The following RYR2 variants were observed in gnomAD, a reference collection of about 807,000 sequenced individuals.
RYR2 encodes cardiac muscle ryanodine receptor-calcium release channel.
Under a neutral mutation model 601.1 loss-of-function variants are expected in RYR2, and 227 were observed. That is an observed-to-expected ratio of 0.38 (90% CI 0.34 to 0.42). The LOEUF (loss-of-function observed/expected upper bound fraction) is 0.42, where lower values mean the gene tolerates loss of function less well. RYR2 is among the 10% of genes least tolerant of loss of function. The pLI is 1.00. For synonymous variants in RYR2, 2,223 were observed against 2,175.1 expected (o/e 1.02, Z -0.61); for missense variants, 4,646 against 6,156.5 (o/e 0.75, Z 8.21).
At chr1:237,204,138 G>A (rs1681512967) in intron 1 of RYR2, among the ~76,000 whole-genome samples, 1 of 152,180 alleles carries the variant, frequency 6.6e-6, no homozygotes, top group African/African-American at 2.4e-5. Context: ...AGCCTCCCGA[G>A]TAGCTGGGAC....
intron 6 of RYR2, 55 bp from the exon 7 acceptor site, chr1:237,374,662 C>T: frequency 6.9e-7 from 1 of 1,456,784 alleles, no homozygotes; most frequent in Non-Finnish European, 9.5e-7. Context: ...GTCTCAAACA[C>T]AAACAACAGA....
At chr1:237,661,351 TG>T (rs1182881468) in intron 56 of RYR2, among the ~76,000 whole-genome samples, 2 of 149,910 alleles carry the variant, frequency 1.3e-5, no homozygotes, top group East Asian at 3.9e-4. Flanking sequence ...TGTCAGGGAG[TG>T]GGGGGCTAGG....
At chr1:237,810,750 A>T (rs1333305417) in intron 100 of RYR2, among the ~76,000 whole-genome samples, 2 of 152,182 alleles carry the variant, frequency 1.3e-5, no homozygotes, top group Non-Finnish European at 2.9e-5. Flanking sequence ...CATAACAAGT[A>T]TGCATCTGTT....
intron 65 of RYR2, among the ~76,000 whole-genome samples, 162 bp from the exon 66 acceptor site, chr1:237,701,813 TAAC>T (rs1573585284): frequency 1.3e-5 from 2 of 152,170 alleles, no homozygotes; most frequent in Non-Finnish European, 2.9e-5. Context: ...TCACTGAAGA[TAAC>T]AACCCCCAGT....
chr1:237,659,623 T>C (rs1465936080), intron 54 of RYR2, among the ~76,000 whole-genome samples: 1 of 152,214 alleles, frequency 6.6e-6, no homozygotes, highest in African/African-American at 2.4e-5. Context: ...CATGCATCCC[T>C]CTAGCCTCCT....
intron 8 of RYR2, among the ~76,000 whole-genome samples, chr1:237,381,475 C>G (rs2149811925): frequency 6.6e-6 from 1 of 152,242 alleles, no homozygotes; most frequent in East Asian, 1.9e-4. Flanking sequence ...AAACTAACTT[C>G]TAAAAATAAA....
chr1:237,350,295 G>C (rs1306656239), intron 3 of RYR2, among the ~76,000 whole-genome samples: 1 of 151,770 alleles, frequency 6.6e-6, no homozygotes, highest in Non-Finnish European at 1.5e-5. Flanking sequence ...TGAGAAAAGG[G>C]CTGGGCGCTG....
chr1:237,227,977 T>C (rs112622439), intron 1 of RYR2, among the ~76,000 whole-genome samples: 1 of 83,310 alleles, frequency 1.2e-5, no homozygotes, highest in African/African-American at 2.8e-5. Flanking sequence ...TTTTTTTTTT[T>C]ATTTTTGATT....
At position 237,625,695 on chromosome 1, in the gene RYR2, A is replaced by C; in HGVS notation, c.6057A>C (p.Gly2019=). The C allele has an allele frequency of 1.2e-6, 2 of 1,613,732 alleles. No homozygotes were observed. The highest frequency in any genetic ancestry group is 1.7e-6 in the Non-Finnish European group (2 of 1,179,836). ...TGGATGAAGATGGGTCTCTGGATGG[A>C]AACAGTGATTTAACAATTAGAGGGC... The part of the protein sequence containing the change: ...IELDEDGSLD[G]NSDLTIRGRL... The change falls in exon 40 of 105, where the codon GGA becomes GGC. Residue 2019 remains glycine, a synonymous_variant. Coordinates refer to ENST00000366574, the MANE Select transcript of RYR2 (RefSeq NM_001035.3).
chr1:237,064,193 T>G lies in RYR2; in HGVS notation c.48+21624T>G, dbSNP rs1663243511. Among the ~76,000 whole-genome samples the G allele has an allele frequency of 2.6e-5, 4 of 152,316 alleles. No homozygotes were observed. The South Asian group carries it at 8.3e-4, about 32-fold the overall frequency. ...TATTTTCATTCCTTTTATTTTTTCT[T>G]TGTACTTAATTCGGAGTATTTCCCA... On this transcript the variant is annotated intron_variant, in intron 1 of 104. Coordinates refer to ENST00000366574, the MANE Select transcript of RYR2 (RefSeq NM_001035.3).
intron 53 of RYR2, among the ~76,000 whole-genome samples, chr1:237,657,493 A>G (rs1683365958): frequency 6.6e-6 from 1 of 152,066 alleles, no homozygotes; most frequent in Admixed American, 6.6e-5. Context: ...ATCAAAAAGC[A>G]GGAGTTAATT....
intron 24 of RYR2, among the ~76,000 whole-genome samples, chr1:237,514,476 A>G (rs2147790484): frequency 6.6e-6 from 1 of 152,252 alleles, no homozygotes. Context: ...TGATTTTCTT[A>G]TAGCTAGTTT....
intron 24 of RYR2, 47 bp downstream of exon 24, chr1:237,511,838 A>AG (rs1281020025): frequency 2.4e-6 from 2 of 828,778 alleles, no homozygotes; most frequent in Non-Finnish European, 3.3e-6. Context: ...TTCCCTGAAA[A>AG]AAAAAAAAAA....
At chr1:237,309,653 G>A (rs566617334) in intron 2 of RYR2, among the ~76,000 whole-genome samples, 264 of 152,336 alleles carry the variant, frequency 1.7e-3, no homozygotes, top group African/African-American at 5.7e-3. Context: ...TTGGGCGGTC[G>A]ATGGGACCAG....
Position 237,065,109 on chromosome 1 carries a change from T to C in RYR2, c.48+22540T>C, listed in dbSNP as rs528377033. Among the ~76,000 whole-genome samples the C allele has an allele frequency of 3.9e-5, 6 of 152,258 alleles. No homozygotes were observed. The East Asian group carries it at 5.8e-4, about 15-fold the overall frequency. The stretch of plus-strand genomic sequence containing the variant: ...CTCCAGTCATTTTTCTCATTGGTTA[T>C]ATTTTACATAATATAGTACAATATT... On this transcript the variant is annotated intron_variant, in intron 1 of 104. Coordinates refer to ENST00000366574, the MANE Select transcript of RYR2 (RefSeq NM_001035.3).
intron 1 of RYR2, among the ~76,000 whole-genome samples, chr1:237,089,922 C>T (rs1434919641): frequency 1.3e-5 from 2 of 152,106 alleles, no homozygotes; most frequent in African/African-American, 2.4e-5. Flanking sequence ...AAGAAATACC[C>T]GAGACTGAAT....
At chr1:237,102,579 G>A (rs190913344) in intron 1 of RYR2, among the ~76,000 whole-genome samples, 4 of 152,274 alleles carry the variant, frequency 2.6e-5, no homozygotes, top group Admixed American at 6.5e-5. Flanking sequence ...TTGACAGGCC[G>A]GCATGGTGGC....
chr1:237,296,794 C>G (rs1414253114), intron 2 of RYR2, among the ~76,000 whole-genome samples: 2 of 152,150 alleles, frequency 1.3e-5, no homozygotes, highest in African/African-American at 4.8e-5. Flanking sequence ...CATTTAGAGG[C>G]AGATCAGAGG....
chr1:237,724,474 C>T (rs550663778), intron 74 of RYR2, among the ~76,000 whole-genome samples: 1 of 151,786 alleles, frequency 6.6e-6, no homozygotes, highest in Non-Finnish European at 1.5e-5. Context: ...TCTCTATTGT[C>T]ATGCAATTTA....
Sources: allele counts gnomAD v4.1 joint callset (sites outside exome capture counted in the v4.1 genomes callset), GRCh38; gene constraint gnomAD v4.1.1; transcripts MANE v1.5; gene names NCBI Gene and HGNC (gene_info 2026-07-23, HGNC 2026-07-21).